The following HDAC1 variants were observed in gnomAD, a reference collection of about 807,000 sequenced individuals.
HDAC1 encodes the protein histone deacetylase 1, also known as protein deacetylase HDAC1.
In HDAC1, 18 loss-of-function variants were observed where a neutral mutation model predicts 65.5. The observed-to-expected ratio is 0.27, with a 90% CI of 0.19 to 0.41. The LOEUF is 0.41. HDAC1 is among the 10% of genes least tolerant of loss of function. The pLI, the probability that HDAC1 is intolerant of heterozygous loss-of-function variation, is 1.00. For missense variants in HDAC1, 373 were observed against 625.2 expected (o/e 0.60, Z 4.30); for synonymous variants, 211 against 227.9 (o/e 0.93, Z 0.67).
At chr1:32,307,823 C>G (rs577016836) in intron 2 of HDAC1, among the ~76,000 whole-genome samples, 2 of 152,240 alleles carry the variant, frequency 1.3e-5, no homozygotes, top group East Asian at 3.9e-4. Flanking sequence ...GAGATGAGCC[C>G]TTTCCTTCAG....
chr1:32,333,146 T>C lies in HDAC1; in HGVS notation c.*102T>C. The C allele has an allele frequency of 6.2e-6, 6 of 974,616 alleles. No homozygotes were observed. The highest frequency in any genetic ancestry group is 9.1e-6 in the Non-Finnish European group (6 of 661,494). 60.4% of individuals were successfully genotyped at this position (974,616 alleles called of 1,614,324 possible). A position where few individuals can be genotyped will look rare whatever the true frequency, so the allele number is the denominator to read the frequency against. ...TTTCTCTGTGTATTTATATAAAAAT[T>C]TATTAAATATAAATATCCCCAGGGA... On this transcript the variant is annotated 3_prime_UTR_variant, in exon 14 of 14. Coordinates refer to ENST00000373548, the MANE Select transcript of HDAC1 (RefSeq NM_004964.3).
Position 32,292,190 on chromosome 1 carries a change from C to T in HDAC1, c.21C>T (p.Thr7=), listed in dbSNP as rs1320163365. The part of the protein sequence containing the change: MAQTQG[T]RRKVCYYYDG... ...GCAAGATGGCGCAGACGCAGGGCAC[C>T]CGGAGGAAAGTCTGTTACTACTACG... Residue 7 remains threonine (T), a synonymous_variant, in exon 1 of 14, where the codon ACC becomes ACT. Coordinates refer to ENST00000373548, the MANE Select transcript of HDAC1 (RefSeq NM_004964.3). 6.5e-7 allele frequency: 1 copy of T among 1,548,676 alleles called. No homozygotes were observed. Among genetic ancestry groups the T allele is most frequent in the South Asian group, 1.2e-5 (1 of 83,974 alleles).
rs1285976404 is a variant in HDAC1, at chr1:32,332,740, A to C, written c.1412A>C (p.Glu471Ala). The C allele has an allele frequency of 1.3e-6, 2 of 1,555,142 alleles. No individual in the cohort carries two copies. The highest frequency in any genetic ancestry group is 2.4e-5 in the South Asian group (2 of 84,230). The stretch of plus-strand genomic sequence containing the variant: ...GAGAAAACCAAGGAGGAGAAGCCAG[A>C]AGCCAAAGGGTGAGGAAGGAGCTGC... ...EEEKTKEEKP[E>A]AKGVKEEVKL... The change falls in exon 13 of 14, where the codon GAA becomes GCA. Residue 471 changes from glutamate to alanine, a missense_variant. Physicochemically the swap from Glu to Ala is moderately radical, Grantham distance 107 (BLOSUM62 -1). Coordinates refer to ENST00000373548, the MANE Select transcript of HDAC1 (RefSeq NM_004964.3).
At chr1:32,313,555 G>A (rs139145692) in intron 2 of HDAC1, among the ~76,000 whole-genome samples, 1 of 152,324 alleles carries the variant, frequency 6.6e-6, no homozygotes, top group Non-Finnish European at 1.5e-5. Flanking sequence ...AAGAGTGACT[G>A]TCACAGAGGA....
chr1:32,324,411 C>G, intron 3 of HDAC1, 68 bp from the exon 4 acceptor site: 2 of 1,056,810 alleles, frequency 1.9e-6, no homozygotes, highest in Admixed American at 3.6e-5. Context: ...GTGTTTTTTT[C>G]CATCAGCTCA....
At position 32,327,605 on chromosome 1, in the gene HDAC1, C is replaced by T. The variant is rs146340055; in HGVS notation, c.564C>T (p.Tyr188=). The T allele has an allele frequency of 2.0e-3, 3,162 of 1,612,916 alleles. 11 individuals carry two copies. Among genetic ancestry groups the T allele is most frequent in the Admixed American group, 4.3e-3 (257 of 60,028 alleles). The change falls in exon 6 of 14, where the codon TAC becomes TAT. Residue 188 remains tyrosine, a synonymous_variant. Coordinates refer to ENST00000373548, the MANE Select transcript of HDAC1 (RefSeq NM_004964.3). This position sits in a 1 kb window ranked among gnomAD's most constrained non-coding sequence, Gnocchi z 6.0. ...GTGACGGCGTGGAAGAGGCCTTCTACACCACGGACCGGGTCATGACTGTGT... is the reference window on the plus strand; with the variant it reads ...GTGACGGCGTGGAAGAGGCCTTCTATACCACGGACCGGGTCATGACTGTGT... The part of the protein sequence containing the change: ...HHGDGVEEAF[Y]TTDRVMTVSF...
chr1:32,320,858 C>T (rs1409873612), intron 3 of HDAC1, among the ~76,000 whole-genome samples: 1 of 141,538 alleles, frequency 7.1e-6, no homozygotes, highest in African/African-American at 2.7e-5. Flanking sequence ...CAAGATCGCG[C>T]CACTGCACTC....
At chr1:32,312,992 GT>G (rs549747665) in intron 2 of HDAC1, among the ~76,000 whole-genome samples, 1 of 151,690 alleles carries the variant, frequency 6.6e-6, no homozygotes, top group East Asian at 2.0e-4. Flanking sequence ...TTTAAAAGGT[GT>G]TTTTTTGTTT....
chr1:32,330,940 T>C lies in HDAC1; in HGVS notation c.979+32T>C. 1 of 1,612,598 alleles carries C rather than the reference T, an allele frequency of 6.2e-7. No homozygotes were observed. Reference sequence around the variant, plus strand: ...GCTGCAGGGCCAGGTTCGGCTGGGCTGGGTGGGAGCTGGAGCTCATCTGTC... The same window carrying C: ...GCTGCAGGGCCAGGTTCGGCTGGGCCGGGTGGGAGCTGGAGCTCATCTGTC... On this transcript the variant is annotated intron_variant, in intron 9 of 13. Transcript: ENST00000373548. The surrounding 1 kb of genome is among the most constrained non-coding windows in gnomAD (Gnocchi z 4.2).
intron 2 of HDAC1, among the ~76,000 whole-genome samples, chr1:32,307,805 T>C (rs1477767860): frequency 3.9e-5 from 6 of 152,192 alleles, no homozygotes. Flanking sequence ...GTAAAAGAGG[T>C]GGCATTTGAG....
At position 32,327,862 on chromosome 1, in the gene HDAC1, A is replaced by G. The variant is rs376932357; in HGVS notation, c.636+185A>G. 36 of 637,434 alleles carry G rather than the reference A, an allele frequency of 5.6e-5. No homozygotes were observed. The highest frequency in any genetic ancestry group is 4.4e-4 in the East Asian group (16 of 36,022). 39.5% of individuals were successfully genotyped at this position (637,434 alleles called of 1,614,324 possible). ...TTCTGGAGGAAGGGAATGATGGGAC[A>G]TAAAGGGCCAGAGAAAGAAGAGGGG... On this transcript the variant is annotated intron_variant, in intron 6 of 13. Coordinates refer to ENST00000373548, the MANE Select transcript of HDAC1 (RefSeq NM_004964.3). The surrounding 1 kb of genome is among the most constrained non-coding windows in gnomAD (Gnocchi z 6.0).
chr1:32,332,589 C>T (rs1279524553), intron 12 of HDAC1, 112 bp from the exon 13 acceptor site: 1 of 800,154 alleles, frequency 1.2e-6, no homozygotes, highest in Non-Finnish European at 2.1e-6. Flanking sequence ...GCTTTTCTCT[C>T]TTTATGTCCA....
chr1:32,317,203 TTAA>T (rs1165639351), intron 3 of HDAC1, among the ~76,000 whole-genome samples: 1 of 152,196 alleles, frequency 6.6e-6, no homozygotes, highest in Non-Finnish European at 1.5e-5. Context: ...TTAGTGGGTA[TTAA>T]TTGAGAATTT....
intron 1 of HDAC1, chr1:32,292,462 G>T: frequency 4.1e-6 from 4 of 984,582 alleles, no homozygotes; most frequent in Non-Finnish European, 4.8e-6. Flanking sequence ...AAGATTCTGA[G>T]GAAGTCTGAT....
At chr1:32,320,343 C>T (rs149198252) in intron 3 of HDAC1, among the ~76,000 whole-genome samples, 24 of 152,118 alleles carry the variant, frequency 1.6e-4, no homozygotes, top group Admixed American at 4.6e-4. Context: ...ATGTAATAAA[C>T]CCTTTCTGGT....
At chr1:32,321,444 T>A (rs1328662489) in intron 3 of HDAC1, among the ~76,000 whole-genome samples, 1 of 140,232 alleles carries the variant, frequency 7.1e-6, no homozygotes, top group Non-Finnish European at 1.5e-5. Context: ...AATCTTCCCA[T>A]CTCTTTGCAA....
chr1:32,309,631 G>A (rs1395685895), intron 2 of HDAC1, among the ~76,000 whole-genome samples: 1 of 148,558 alleles, frequency 6.7e-6, no homozygotes, highest in Admixed American at 6.8e-5. Context: ...AGATTGCAGT[G>A]AGCTGAGGTC....
rs906201378 is a variant in HDAC1, at chr1:32,331,031, T to C, written c.979+123T>C. 9.6e-6 allele frequency: 8 copies of C among 830,682 alleles called. No homozygotes were observed. The highest frequency in any genetic ancestry group is 1.4e-5 in the Non-Finnish European group (7 of 511,032). The allele number at this position is 830,682 out of a possible 1,614,324, so 51.5% of individuals were successfully genotyped here. The stretch of plus-strand genomic sequence containing the variant: ...TCCTCTTCTGATACTAGTCACTGAG[T>C]CTCCTGCCTGTCCTCTTGTGATCAG... On this transcript the variant is annotated intron_variant, in intron 9 of 13. Coordinates refer to ENST00000373548, the MANE Select transcript of HDAC1 (RefSeq NM_004964.3). The surrounding 1 kb of genome is among the most constrained non-coding windows in gnomAD (Gnocchi z 4.2).
Position 32,329,055 on chromosome 1 carries a change from C to G in HDAC1, c.637-13C>G, listed in dbSNP as rs1641256675. 1 of 1,510,374 alleles carries G rather than the reference C, an allele frequency of 6.6e-7. No individual in the cohort carries two copies. The highest frequency in any genetic ancestry group is 1.4e-5 in the African/African-American group (1 of 72,984). 93.6% of individuals were successfully genotyped at this position (1,510,374 alleles called of 1,614,324 possible). A position where few individuals can be genotyped will look rare whatever the true frequency, so the allele number is the denominator to read the frequency against. On this transcript the variant is annotated splice_polypyrimidine_tract_variant and intron_variant, in intron 6 of 13. Coordinates refer to ENST00000373548, the MANE Select transcript of HDAC1 (RefSeq NM_004964.3). This position sits in a 1 kb window ranked among gnomAD's most constrained non-coding sequence, Gnocchi z 4.1. ...TCATCCTTCAGTTTTACTTTAATGG[C>G]CTTTTTAATTAGGATATCGGGGCTG...
Sources: allele counts gnomAD v4.1 joint callset (sites outside exome capture counted in the v4.1 genomes callset), GRCh38; gene constraint gnomAD v4.1.1; non-coding constraint Gnocchi (gnomAD v3.1); transcripts MANE v1.5; gene names NCBI Gene and HGNC (gene_info 2026-07-23, HGNC 2026-07-21).